NRXN3: variants seen among roughly 807,000 people sequenced by gnomAD.
NRXN3 encodes the protein neurexin 3, also known as neurexin III.
A neutral mutation model predicts 137.6 loss-of-function variants in NRXN3; 32 were observed. The observed-to-expected ratio is 0.23, with a 90% CI of 0.18 to 0.31. The LOEUF (loss-of-function observed/expected upper bound fraction) is 0.31, where lower values mean the gene tolerates loss of function less well. Among genes scored for constraint, NRXN3 ranks in the 10% least tolerant of loss-of-function variants. The pLI, the probability that NRXN3 is intolerant of heterozygous loss-of-function variation, is 1.00. For missense variants in NRXN3, 1,574 were observed against 2,062.5 expected (o/e 0.76, Z 4.59); for synonymous variants, 798 against 784.5 (o/e 1.02, Z -0.29).
intron 19 of NRXN3, among the ~76,000 whole-genome samples, chr14:79,776,300 TAC>T (rs2099096896): frequency 6.6e-6 from 1 of 152,224 alleles, no homozygotes; most frequent in South Asian, 2.1e-4. Flanking sequence ...GTACCTACAT[TAC>T]TGCAGATAGT....
chr14:79,323,602 G>A (rs2090398312), intron 15 of NRXN3, among the ~76,000 whole-genome samples: 1 of 152,210 alleles, frequency 6.6e-6, no homozygotes, highest in Admixed American at 6.5e-5. Flanking sequence ...GCTCACGCCT[G>A]TAATCCCAGC....
chr14:78,998,851 A>C (rs2099535782), intron 15 of NRXN3, among the ~76,000 whole-genome samples: 1 of 139,180 alleles, frequency 7.2e-6, no homozygotes, highest in Non-Finnish European at 1.5e-5. Context: ...TGATCCTCCC[A>C]CCTCTGCCTC....
chr14:79,158,005 T>C (rs908480387), intron 15 of NRXN3, among the ~76,000 whole-genome samples: 1 of 151,792 alleles, frequency 6.6e-6, no homozygotes, highest in Non-Finnish European at 1.5e-5. Flanking sequence ...TGAGTAAAGA[T>C]CTTTCTTAGA....
chr14:79,631,994 A>G (rs2098356252), intron 16 of NRXN3, among the ~76,000 whole-genome samples: 1 of 152,162 alleles, frequency 6.6e-6, no homozygotes, highest in African/African-American at 2.4e-5. Flanking sequence ...GGGCCAGATA[A>G]GGAAATAAAA....
intron 18 of NRXN3, among the ~76,000 whole-genome samples, chr14:79,695,637 G>GAAAAAA (rs10585470): frequency 1.1e-5 from 1 of 88,168 alleles, no homozygotes. Flanking sequence ...AGGGCTTCCA[G>GAAAAAA]AAAAAAAAAA....
chr14:78,420,567 G>A (rs2093399877), intron 4 of NRXN3, among the ~76,000 whole-genome samples: 1 of 152,338 alleles, frequency 6.6e-6, no homozygotes, highest in African/African-American at 2.4e-5. Context: ...GGGAACAAAT[G>A]TGCAGCTTCA....
At chr14:78,191,574 T>G (rs76269777) in intron 1 of NRXN3, among the ~76,000 whole-genome samples, 5,626 of 152,316 alleles carry the variant, frequency 0.037, 136 homozygotes, top group Non-Finnish European at 0.059. Context: ...CTCCCCACCC[T>G]GATCTAGAGT....
chr14:78,885,109 G>GAAATATATAAATATAAATTACATATATA (rs1246566207), intron 10 of NRXN3, among the ~76,000 whole-genome samples: 10 of 148,882 alleles, frequency 6.7e-5, no homozygotes, highest in Non-Finnish European at 8.9e-5. Context: ...GTCATAATGT[G>GAAATATATAAATATAAATTACATATATA]AAATATATAA....
At chr14:79,171,240 G>C (rs1458007429) in intron 15 of NRXN3, among the ~76,000 whole-genome samples, 1 of 152,102 alleles carries the variant, frequency 6.6e-6, no homozygotes, top group African/African-American at 2.4e-5. Context: ...AGGGCAAGTA[G>C]AAGGAAGGAA....
intron 15 of NRXN3, among the ~76,000 whole-genome samples, chr14:79,165,901 T>C (rs938279287): frequency 6.6e-5 from 10 of 152,016 alleles, no homozygotes; most frequent in Non-Finnish European, 1.3e-4. Flanking sequence ...ATGCCAGGTC[T>C]CACAACACCA....
chr14:79,100,671 GGC>G (rs2051113472), intron 15 of NRXN3, among the ~76,000 whole-genome samples: 1 of 152,176 alleles, frequency 6.6e-6, no homozygotes, highest in Non-Finnish European at 1.5e-5. Context: ...ATTCAGTCTA[GGC>G]TATCAGAATA....
chr14:78,300,707 T>A, intron 4 of NRXN3: 2 of 1,501,704 alleles, frequency 1.3e-6, no homozygotes, highest in Non-Finnish European at 9.0e-7. Flanking sequence ...GCTCACTTTA[T>A]TTTTATCATT....
intron 16 of NRXN3, among the ~76,000 whole-genome samples, chr14:79,551,645 G>A (rs1039773022): frequency 3.3e-5 from 5 of 152,152 alleles, no homozygotes; most frequent in Admixed American, 6.5e-5. Flanking sequence ...ATTCTGACAG[G>A]CGTGGACTCC....
At chr14:78,618,647 C>T (rs2097369441) in intron 4 of NRXN3, among the ~76,000 whole-genome samples, 1 of 152,160 alleles carries the variant, frequency 6.6e-6, no homozygotes, top group Non-Finnish European at 1.5e-5. Context: ...CAAACCTTAG[C>T]GAGCTTCCTC....
At chr14:78,825,857 A>AC (rs1448172314) in intron 10 of NRXN3, among the ~76,000 whole-genome samples, 1 of 152,210 alleles carries the variant, frequency 6.6e-6, no homozygotes, top group African/African-American at 2.4e-5. Context: ...TGTCTCACTG[A>AC]AAGTAAGGTC....
intron 14 of NRXN3, among the ~76,000 whole-genome samples, chr14:78,977,732 C>A (rs1345272351): frequency 6.6e-6 from 1 of 152,102 alleles, no homozygotes; most frequent in Non-Finnish European, 1.5e-5. Context: ...TGTAATTATT[C>A]TTTTTAGATC....
At chr14:78,936,758 C>T (rs1442170265) in intron 10 of NRXN3, among the ~76,000 whole-genome samples, 1 of 152,100 alleles carries the variant, frequency 6.6e-6, no homozygotes, top group Non-Finnish European at 1.5e-5. Flanking sequence ...CACAGTTAGC[C>T]CGAAGAGTTG....
chr14:78,454,417 T>C (rs751758579), intron 4 of NRXN3, among the ~76,000 whole-genome samples: 3 of 152,232 alleles, frequency 2.0e-5, no homozygotes, highest in Non-Finnish European at 2.9e-5. Context: ...AAGGCTGTTA[T>C]TGATGAAAAC....
chr14:78,332,092 C>A, intron 4 of NRXN3, among the ~76,000 whole-genome samples: 1 of 152,242 alleles, frequency 6.6e-6, no homozygotes, highest in East Asian at 1.9e-4. Flanking sequence ...CCTCTCTGAA[C>A]CTCAGTTTCC....
Sources: gnomAD v4.1 joint callset for allele counts (sites outside exome capture counted in the v4.1 genomes callset) on GRCh38, gnomAD v4.1.1 for gene constraint, MANE v1.5 for transcripts, NCBI Gene and HGNC (gene_info 2026-07-23, HGNC 2026-07-21) for gene names.